TMTC4: variants seen among roughly 807,000 people sequenced by gnomAD.
The protein encoded by TMTC4 is protein O-mannosyl-transferase TMTC4.
Under a neutral mutation model 86.0 loss-of-function variants are expected in TMTC4, and 65 were observed. That is an observed-to-expected ratio of 0.76 (90% CI 0.62 to 0.93). TMTC4 has a LOEUF of 0.93. Among genes scored for constraint, TMTC4 ranks in the 40% least tolerant of loss-of-function variants. TMTC4 has a pLI of 0.00. For missense variants in TMTC4, 866 were observed against 948.1 expected, an observed-to-expected ratio of 0.91 and a Z score of 1.14; for synonymous variants, 379 against 382.5, an observed-to-expected ratio of 0.99 and a Z score of 0.11.
chr13:100,637,640 C>T lies in TMTC4; in HGVS notation c.897G>A (p.Gly299=). ...LFRMTLLTSG[G]AGMLYVRWRI... The stretch of plus-strand genomic sequence containing the variant: ...TCCAGCGCACGTAGAGCATCCCAGC[C>T]CCTCCAGAGGTGAGCAGGGTCATTC... The change falls in exon 9 of 19, where the codon GGG becomes GGA. Residue 299 remains glycine (G), a synonymous_variant. Coordinates refer to ENST00000342624, the MANE Select transcript of TMTC4 (RefSeq NM_032813.5). 1.2e-6 allele frequency: 2 copies of T among 1,614,200 alleles called. No individual in the cohort carries two copies. The highest frequency in any genetic ancestry group is 1.7e-6 in the Non-Finnish European group (2 of 1,180,048).
chr13:100,646,190 A>C (rs1420244155), intron 6 of TMTC4, among the ~76,000 whole-genome samples: 1 of 152,024 alleles, frequency 6.6e-6, no homozygotes, highest in Non-Finnish European at 1.5e-5. Flanking sequence ...GGCAGGGTGC[A>C]CCCTCTTGAG....
chr13:100,631,058 T>C (rs1881290048), intron 12 of TMTC4, among the ~76,000 whole-genome samples: 3 of 152,320 alleles, frequency 2.0e-5, no homozygotes, highest in South Asian at 2.1e-4. Context: ...TCACTTAAAA[T>C]AGTGTTTAGA....
At chr13:100,656,316 A>T in intron 6 of TMTC4, 65 bp downstream of exon 6, 1 of 1,403,960 alleles carries the variant, frequency 7.1e-7, no homozygotes, top group South Asian at 1.2e-5. Context: ...GTATGTTAAG[A>T]CACTGCTCAA....
At position 100,612,487 on chromosome 13, in the gene TMTC4, C is replaced by T. The variant is rs564520394; in HGVS notation, c.1975G>A (p.Val659Ile). The T allele has an allele frequency of 4.3e-6, 7 of 1,611,246 alleles. No individual in the cohort carries two copies. Among genetic ancestry groups the T allele is most frequent in the East Asian group, 2.2e-5 (1 of 44,748 alleles). The change falls in exon 17 of 19, where the codon GTT becomes ATT. Residue 659 changes from valine to isoleucine, a missense_variant. Val to Ile is a conservative substitution (Grantham distance 29, BLOSUM62 3). Transcript: ENST00000342624. ...NTGNLAQAEA[V>I]GREALELIPN... ...ATTAATTCCAGTGCCTCTCTTCCAA[C>T]TGCTTCAGCTTGGGCTAAATTACCT...
Position 100,626,218 on chromosome 13 carries a change from T to A in TMTC4, c.1507-68A>T, listed in dbSNP as rs1037835572. 3.6e-5 allele frequency: 53 copies of A among 1,483,438 alleles called. No homozygotes were observed. In the Admixed American group the frequency reaches 8.7e-4, roughly 24 times the overall value. 91.9% of individuals were successfully genotyped at this position (1,483,438 alleles called of 1,614,324 possible). ...TGTTCAGAGCCTGGACCCCATCACA[T>A]CTTCTAACTGAAGACAAAAGGTAAA... On this transcript the variant is annotated intron_variant, in intron 12 of 18. Coordinates refer to ENST00000342624, the MANE Select transcript of TMTC4 (RefSeq NM_032813.5).
chr13:100,614,497 T>TA (rs370662314), intron 15 of TMTC4, 67 bp from the exon 16 acceptor site: 53,873 of 751,706 alleles, frequency 0.072, 14 homozygotes, highest in Non-Finnish European at 0.075. Context: ...AAGACATTAT[T>TA]AAAAAAAAAA....
chr13:100,637,745 A>C, intron 8 of TMTC4, 43 bp from the exon 9 acceptor site: 9 of 1,598,064 alleles, frequency 5.6e-6, no homozygotes, highest in Non-Finnish European at 7.7e-6. Context: ...TGATTTTCAC[A>C]TAAAAGTGTG....
intron 2 of TMTC4, among the ~76,000 whole-genome samples, chr13:100,669,332 C>T (rs183646427): frequency 1.3e-5 from 2 of 152,118 alleles, no homozygotes; most frequent in East Asian, 1.9e-4. Flanking sequence ...ACAGGGGAGT[C>T]GAACAGAGAA....
chr13:100,616,917 T>G (rs1202799748), intron 15 of TMTC4, among the ~76,000 whole-genome samples: 1 of 152,208 alleles, frequency 6.6e-6, no homozygotes, highest in East Asian at 1.9e-4. Context: ...TAGACCTTTG[T>G]TGGATGCATA....
chr13:100,631,281 T>C lies in TMTC4; in HGVS notation c.1506+3524A>G, dbSNP rs1232276446. 2.6e-5 allele frequency among the ~76,000 whole-genome samples: 4 copies of C among 152,236 alleles called. No individual in the cohort carries two copies. The East Asian group carries it at 7.7e-4, about 29-fold the overall frequency. ...ACCTTTAATACCAGGGCTAAACTAATTTGTTATAAATATTCTGGCAACATC... is the reference window on the plus strand; with the variant it reads ...ACCTTTAATACCAGGGCTAAACTAACTTGTTATAAATATTCTGGCAACATC... On this transcript the variant is annotated intron_variant, in intron 12 of 18. Transcript: ENST00000342624.
rs1322773730 is a variant in TMTC4, at chr13:100,626,075, C to T, written c.1582G>A (p.Val528Ile). The stretch of plus-strand genomic sequence containing the variant: ...TGTAAGACATACTCGCCATACCTTA[C>T]AGCTTCCCGGTAGTATCTGATGGCA... Reference protein sequence around the residue: ...TAAIRYYREAVRLNPKYVHAM... With the variant: ...TAAIRYYREAIRLNPKYVHAM... The change falls in exon 13 of 19, where the codon GTA becomes ATA. Residue 528 changes from valine (V) to isoleucine (I), a missense_variant. Transcript: ENST00000342624. The T allele has an allele frequency of 2.5e-6, 4 of 1,614,244 alleles. No individual in the cohort carries two copies. The East Asian group carries it at 8.9e-5, about 36-fold the overall frequency.
intron 12 of TMTC4, among the ~76,000 whole-genome samples, chr13:100,626,903 C>CA (rs1566583979): frequency 2.0e-5 from 3 of 152,144 alleles, no homozygotes; most frequent in African/African-American, 7.2e-5. Context: ...AGTAGGGCCT[C>CA]TGGGAAGTGA....
At chr13:100,614,838 T>A in intron 15 of TMTC4, 1 of 812,256 alleles carries the variant, frequency 1.2e-6, no homozygotes, top group Non-Finnish European at 1.5e-6. Context: ...TCTTTTTCAC[T>A]AAAGACTTCA....
chr13:100,610,393 C>A (rs1244052585), intron 17 of TMTC4, among the ~76,000 whole-genome samples: 3 of 152,198 alleles, frequency 2.0e-5, no homozygotes, highest in Non-Finnish European at 4.4e-5. Flanking sequence ...AAAACCTAAA[C>A]AGTTGCTTAA....
At chr13:100,663,286 CG>C (rs775608868) in intron 4 of TMTC4, 106 bp from the exon 5 acceptor site, 17 of 975,214 alleles carry the variant, frequency 1.7e-5, no homozygotes, top group Non-Finnish European at 2.7e-5. Context: ...AAAGGAGAAG[CG>C]GAAGACTTTG....
At chr13:100,651,703 A>G (rs1388592377) in intron 6 of TMTC4, among the ~76,000 whole-genome samples, 2 of 152,188 alleles carry the variant, frequency 1.3e-5, no homozygotes, top group Non-Finnish European at 2.9e-5. Flanking sequence ...GAAAGAATTT[A>G]TTAACTAGTT....
chr13:100,613,876 G>C (rs1213520843), intron 16 of TMTC4, among the ~76,000 whole-genome samples: 1 of 129,840 alleles, frequency 7.7e-6, no homozygotes, highest in Non-Finnish European at 1.5e-5. Flanking sequence ...TTTCGCTCTT[G>C]TTGCCCAGGC....
chr13:100,638,024 TAAGA>T lies in TMTC4; in HGVS notation c.742-6_742-3del. 6.2e-7 allele frequency: 1 copy of T among 1,612,948 alleles called. No individual in the cohort carries two copies. The highest frequency in any genetic ancestry group is 8.5e-7 in the Non-Finnish European group (1 of 1,179,600). On this transcript the variant is annotated splice_polypyrimidine_tract_variant and splice_region_variant and intron_variant, in intron 7 of 18. Coordinates refer to ENST00000342624, the MANE Select transcript of TMTC4 (RefSeq NM_032813.5). ...GATGTCAAATACCGCATTTAAACCC[TAAGA>T]AAGCAAAGCAAGACAATCAGCCACG...
chr13:100,656,636 T>C (rs974609702), intron 5 of TMTC4, among the ~76,000 whole-genome samples, 168 bp from the exon 6 acceptor site: 3 of 144,590 alleles, frequency 2.1e-5, no homozygotes, highest in Admixed American at 7.3e-5. Flanking sequence ...TCAACCCCCC[T>C]GGGCTCAAGC....
Sources: allele counts gnomAD v4.1 joint callset (sites outside exome capture counted in the v4.1 genomes callset), GRCh38; gene constraint gnomAD v4.1.1; transcripts MANE v1.5; gene names NCBI Gene and HGNC (gene_info 2026-07-23, HGNC 2026-07-21).